ELSPBP1: variants seen among roughly 807,000 people sequenced by gnomAD.
ELSPBP1 encodes the protein epididymal sperm binding protein 1.
ELSPBP1 carries 38 observed loss-of-function variants against 33.3 expected under a neutral mutation model. The observed-to-expected ratio is 1.14, with a 90% CI of 0.88 to 1.50. ELSPBP1 has a LOEUF of 1.50. ELSPBP1 is among the 40% of genes most tolerant of loss of function. The probability of loss-of-function intolerance (pLI) is 0.00; values close to 1 mark genes in which losing one functional copy is unlikely to be tolerated. For missense variants in ELSPBP1, 267 were observed against 263.5 expected, an observed-to-expected ratio of 1.01 and a Z score of -0.09; for synonymous variants, 85 against 94.1, an observed-to-expected ratio of 0.90 and a Z score of 0.56.
At chr19:48,012,973 T>C (rs1967093370) in intron 2 of ELSPBP1, among the ~76,000 whole-genome samples, 2 of 152,182 alleles carry the variant, frequency 1.3e-5, no homozygotes, top group Admixed American at 1.3e-4. Flanking sequence ...TGAGTTTGAG[T>C]CCTGCTCCCC....
intron 2 of ELSPBP1, among the ~76,000 whole-genome samples, chr19:48,009,155 T>A (rs921047268): frequency 1.5e-5 from 2 of 135,298 alleles, no homozygotes; most frequent in Non-Finnish European, 1.6e-5. Context: ...AAAAAAAAAA[T>A]CTCAGAAGAC....
chr19:48,007,935 T>C (rs1044336501), intron 1 of ELSPBP1, among the ~76,000 whole-genome samples: 3 of 152,152 alleles, frequency 2.0e-5, no homozygotes, highest in Non-Finnish European at 4.4e-5. Context: ...GTACAGTAAG[T>C]GTTCAACAAG....
chr19:48,006,678 C>G (rs1355302911), intron 1 of ELSPBP1, among the ~76,000 whole-genome samples: 1 of 149,936 alleles, frequency 6.7e-6, no homozygotes, highest in Non-Finnish European at 1.5e-5. Flanking sequence ...AGTAATTTCC[C>G]TGAAGTCACC....
chr19:48,021,452 A>AT (rs1967199454), intron 5 of ELSPBP1, among the ~76,000 whole-genome samples: 1 of 78,948 alleles, frequency 1.3e-5, no homozygotes, highest in Non-Finnish European at 2.6e-5. Flanking sequence ...ATTTTATTTT[A>AT]TTTTTGAGAC....
At chr19:48,017,759 G>A (rs1244141813) in intron 4 of ELSPBP1, among the ~76,000 whole-genome samples, 1 of 151,954 alleles carries the variant, frequency 6.6e-6, no homozygotes, top group Non-Finnish European at 1.5e-5. Context: ...AACTGATCAT[G>A]GTGGTGCGTG....
intron 1 of ELSPBP1, among the ~76,000 whole-genome samples, chr19:47,995,196 T>C (rs1212884162): frequency 1.3e-5 from 2 of 152,150 alleles, no homozygotes; most frequent in Non-Finnish European, 2.9e-5. Flanking sequence ...GTGGCTGCCA[T>C]ATTGGTTCTG....
At chr19:48,019,922 T>C (rs761480771) in intron 5 of ELSPBP1, 45 bp downstream of exon 5, 39 of 1,583,638 alleles carry the variant, frequency 2.5e-5, no homozygotes, top group Non-Finnish European at 3.1e-5. Flanking sequence ...GGAGTCTTTC[T>C]TTCATTTGCT....
intron 1 of ELSPBP1, 81 bp from the exon 2 acceptor site, chr19:48,008,570 C>T: frequency 2.2e-6 from 2 of 914,704 alleles, no homozygotes; most frequent in East Asian, 2.6e-5. Context: ...AGAAAAATGG[C>T]ATGTATGACG....
chr19:48,016,480 CTTTCT>C (rs1260437639), intron 4 of ELSPBP1, among the ~76,000 whole-genome samples: 2 of 68,756 alleles, frequency 2.9e-5, no homozygotes, highest in Non-Finnish European at 5.3e-5. Flanking sequence ...TTCTTTCTTT[CTTTCT>C]TTCTTTCTTT....
chr19:48,023,492 GA>G (rs1697302161), intron 6 of ELSPBP1, among the ~76,000 whole-genome samples: 6 of 48,040 alleles, frequency 1.2e-4, no homozygotes, highest in Non-Finnish European at 2.5e-4. Flanking sequence ...GGAAGGGAGG[GA>G]GGGAAGGAAA....
intron 1 of ELSPBP1, among the ~76,000 whole-genome samples, chr19:48,001,835 G>C (rs561328720): frequency 3.9e-5 from 6 of 152,076 alleles, no homozygotes; most frequent in Admixed American, 3.3e-4. Context: ...CTGCAGGCAT[G>C]TGCCACCATG....
At chr19:47,999,813 A>G (rs985905865) in intron 1 of ELSPBP1, among the ~76,000 whole-genome samples, 10 of 150,324 alleles carry the variant, frequency 6.7e-5, no homozygotes, top group African/African-American at 9.8e-5. Flanking sequence ...AATATTTATC[A>G]CATACGTGAT....
At chr19:48,013,361 G>A (rs1967096847) in intron 2 of ELSPBP1, among the ~76,000 whole-genome samples, 1 of 152,180 alleles carries the variant, frequency 6.6e-6, no homozygotes, top group Non-Finnish European at 1.5e-5. Context: ...TGGATGCTAA[G>A]CCTAGGTGTG....
At chr19:48,023,594 AAGGGAGGG>A (rs565748865) in intron 6 of ELSPBP1, among the ~76,000 whole-genome samples, 2 of 118,372 alleles carry the variant, frequency 1.7e-5, no homozygotes, top group Non-Finnish European at 3.6e-5. Context: ...GGAAGGAAGG[AAGGGAGGG>A]AGGGAGGGAA....
chr19:47,998,512 C>T (rs1400576879), intron 1 of ELSPBP1, among the ~76,000 whole-genome samples: 1 of 151,942 alleles, frequency 6.6e-6, no homozygotes, highest in East Asian at 1.9e-4. Context: ...GAGTCCGGGG[C>T]GCGGTGGCTC....
intron 6 of ELSPBP1, 102 bp downstream of exon 6, chr19:48,022,436 C>A (rs184801294): frequency 3.6e-6 from 4 of 1,102,784 alleles, no homozygotes; most frequent in Non-Finnish European, 5.1e-6. Context: ...CTTTTTCAAG[C>A]GTGTCTGATT....
chr19:48,000,661 G>A (rs1350134240), intron 1 of ELSPBP1, among the ~76,000 whole-genome samples: 1 of 152,150 alleles, frequency 6.6e-6, no homozygotes, highest in Admixed American at 6.5e-5. Flanking sequence ...CTTTTCCGAA[G>A]CCACAACCAC....
chr19:48,010,036 A>G (rs1182545263), intron 2 of ELSPBP1, among the ~76,000 whole-genome samples: 1 of 152,156 alleles, frequency 6.6e-6, no homozygotes, highest in Non-Finnish European at 1.5e-5. Flanking sequence ...AGTGACATTC[A>G]TCCCTTTCTC....
chr19:48,020,603 T>A (rs1424049253), intron 5 of ELSPBP1, among the ~76,000 whole-genome samples: 1 of 152,184 alleles, frequency 6.6e-6, no homozygotes, highest in Non-Finnish European at 1.5e-5. Flanking sequence ...GTGGAATCCA[T>A]GAAAGATGAG....
Sources: allele counts gnomAD v4.1 joint callset (sites outside exome capture counted in the v4.1 genomes callset), GRCh38; gene constraint gnomAD v4.1.1; transcripts MANE v1.5; gene names NCBI Gene and HGNC (gene_info 2026-07-23, HGNC 2026-07-21).